The following ARHGEF10 variants were observed in gnomAD, a reference collection of about 807,000 sequenced individuals.
The protein encoded by ARHGEF10 is Rho guanine nucleotide exchange factor (GEF) 10.
In ARHGEF10, 140 loss-of-function variants were observed where a neutral mutation model predicts 147.4. The ratio of observed to expected loss-of-function variants is 0.95; its 90% confidence interval spans 0.83 to 1.09. The LOEUF (loss-of-function observed/expected upper bound fraction) is 1.09. Among genes scored for constraint, ARHGEF10 ranks in the 50% least tolerant of loss-of-function variants. The pLI is 0.00. For missense variants in ARHGEF10, 2,222 were observed against 1,752.7 expected (o/e 1.27, Z -4.78); for synonymous variants, 902 against 695.8 (o/e 1.30, Z -4.67).
chr8:1,914,148 G>T (rs893232763), intron 18 of ARHGEF10, among the ~76,000 whole-genome samples: 2 of 152,264 alleles, frequency 1.3e-5, no homozygotes, highest in African/African-American at 4.8e-5. Context: ...AGTGAGCCCG[G>T]CCGAAGGAAG....
intron 18 of ARHGEF10, among the ~76,000 whole-genome samples, chr8:1,916,884 C>T (rs1811799548): frequency 6.6e-6 from 1 of 152,202 alleles, no homozygotes; most frequent in Non-Finnish European, 1.5e-5. Context: ...TGAGTGATTT[C>T]TCTCCAGCCT....
intron 7 of ARHGEF10, among the ~76,000 whole-genome samples, chr8:1,873,080 C>G (rs994242144): frequency 6.6e-6 from 1 of 152,214 alleles, no homozygotes; most frequent in Non-Finnish European, 1.5e-5. Flanking sequence ...TGCCGTGTGG[C>G]GAGGCCCAGT....
chr8:1,936,459 A>G (rs1049082592), intron 26 of ARHGEF10, among the ~76,000 whole-genome samples: 4 of 152,198 alleles, frequency 2.6e-5, no homozygotes, highest in African/African-American at 7.2e-5. Flanking sequence ...GCAGTGAGCC[A>G]AGATCGCACT....
chr8:1,947,251 T>C (rs1814664673), intron 27 of ARHGEF10, among the ~76,000 whole-genome samples: 1 of 152,156 alleles, frequency 6.6e-6, no homozygotes, highest in African/African-American at 2.4e-5. Flanking sequence ...GAAAAACCTC[T>C]CCACTCGACC....
At chr8:1,922,617 G>A (rs1399930556) in intron 18 of ARHGEF10, among the ~76,000 whole-genome samples, 3 of 152,112 alleles carry the variant, frequency 2.0e-5, no homozygotes, top group African/African-American at 4.8e-5. Flanking sequence ...ATGTGAAAGC[G>A]GTGAGGTTTG....
At chr8:1,901,487 C>T (rs1810456743) in intron 15 of ARHGEF10, among the ~76,000 whole-genome samples, 1 of 152,228 alleles carries the variant, frequency 6.6e-6, no homozygotes. Flanking sequence ...CCAGAAACAT[C>T]CATTGGCCCT....
At chr8:1,848,403 G>A (rs1441517070) in intron 2 of ARHGEF10, among the ~76,000 whole-genome samples, 5 of 152,180 alleles carry the variant, frequency 3.3e-5, no homozygotes, top group African/African-American at 9.7e-5. Context: ...TCCAGAAGCC[G>A]TTCTCTAATC....
intron 2 of ARHGEF10, among the ~76,000 whole-genome samples, chr8:1,851,467 A>ACACAGAAGGCACAGCACCAGGAGCGAG: frequency 6.6e-6 from 1 of 150,682 alleles, no homozygotes; most frequent in East Asian, 2.0e-4. Flanking sequence ...TTGGCTTCTC[A>ACACAGAAGGCACAGCACCAGGAGCGAG]GTTGCAACAA....
chr8:1,925,431 G>C (rs374687394), intron 22 of ARHGEF10, 27 bp downstream of exon 22: 1 of 1,612,786 alleles, frequency 6.2e-7, no homozygotes, highest in Non-Finnish European at 8.5e-7. Flanking sequence ...CCCGCGGCCC[G>C]GGGTGGGACG....
intron 2 of ARHGEF10, among the ~76,000 whole-genome samples, chr8:1,843,725 C>T (rs915265807): frequency 6.6e-6 from 1 of 152,196 alleles, no homozygotes; most frequent in African/African-American, 2.4e-5. Flanking sequence ...TAGCCTGATG[C>T]AATCGGAGAT....
intron 1 of ARHGEF10, 25 bp from the exon 2 acceptor site, chr8:1,843,327 AC>A: frequency 6.3e-7 from 1 of 1,591,344 alleles, no homozygotes; most frequent in Non-Finnish European, 8.6e-7. Context: ...CTGAACGGTG[AC>A]AAGCAGTGTC....
intron 27 of ARHGEF10, among the ~76,000 whole-genome samples, chr8:1,950,111 C>T (rs560676046): frequency 6.6e-6 from 1 of 152,278 alleles, no homozygotes; most frequent in South Asian, 2.1e-4. Flanking sequence ...ACACGTGTAA[C>T]CCATTTACCA....
At chr8:1,947,822 A>G (rs931882363) in intron 27 of ARHGEF10, among the ~76,000 whole-genome samples, 2 of 130,278 alleles carry the variant, frequency 1.5e-5, no homozygotes, top group African/African-American at 5.8e-5. Flanking sequence ...CTCGAAAGCC[A>G]CTCCTGTATG....
chr8:1,937,646 A>C lies in ARHGEF10; in HGVS notation c.3222+3704A>C, dbSNP rs929515463. 6.6e-6 allele frequency among the ~76,000 whole-genome samples: 1 copy of C among 152,252 alleles called. No homozygotes were observed. Among genetic ancestry groups the C allele is most frequent in the African/African-American group, 2.4e-5 (1 of 41,472 alleles). ...ATTCATCCTGTCGTTCCCGTTGTGC[A>C]GGGGAACTGTGGCCAGGGGCTGGGG... On this transcript the variant is annotated intron_variant, in intron 26 of 28. Coordinates refer to ENST00000349830, the MANE Select transcript of ARHGEF10 (RefSeq NM_014629.4). The surrounding 1 kb of genome is among the most constrained non-coding windows in gnomAD (Gnocchi z 4.9).
At chr8:1,875,347 A>G (rs182164198) in intron 7 of ARHGEF10, among the ~76,000 whole-genome samples, 1 of 152,036 alleles carries the variant, frequency 6.6e-6, no homozygotes, top group Non-Finnish European at 1.5e-5. Context: ...CCCCTAGTAC[A>G]TGGTAGAGGC....
chr8:1,908,985 C>T (rs557894853), intron 17 of ARHGEF10, among the ~76,000 whole-genome samples: 1 of 152,318 alleles, frequency 6.6e-6, no homozygotes, highest in South Asian at 2.1e-4. Context: ...AATCGAGCAC[C>T]TTTGCTCAGA....
intron 7 of ARHGEF10, among the ~76,000 whole-genome samples, chr8:1,872,274 A>G (rs998875227): frequency 6.6e-6 from 1 of 152,252 alleles, no homozygotes; most frequent in Admixed American, 6.5e-5. Context: ...TGGTTTGCTT[A>G]ACTACTGTGC....
intron 2 of ARHGEF10, among the ~76,000 whole-genome samples, chr8:1,850,066 CTGCGTGGA>C: frequency 8.6e-6 from 1 of 116,352 alleles, no homozygotes; most frequent in African/African-American, 3.4e-5. Context: ...CGTGGGCCGG[CTGCGTGGA>C]CACAGAGGGC....
intron 27 of ARHGEF10, 108 bp from the exon 28 acceptor site, chr8:1,952,597 G>C: frequency 6.8e-7 from 1 of 1,466,382 alleles, no homozygotes; most frequent in Admixed American, 1.8e-5. Context: ...GCCCCTGGCG[G>C]ATTTGGTGGT....
Sources: gnomAD v4.1 joint callset for allele counts (sites outside exome capture counted in the v4.1 genomes callset) on GRCh38, gnomAD v4.1.1 for gene constraint, Gnocchi (gnomAD v3.1) non-coding constraint, MANE v1.5 for transcripts, NCBI Gene and HGNC (gene_info 2026-07-23, HGNC 2026-07-21) for gene names.